The following HECTD4 variants were observed in gnomAD, a reference collection of about 807,000 sequenced individuals.
The protein encoded by HECTD4 is HECT domain E3 ubiquitin protein ligase 4.
HECTD4 carries 114 observed loss-of-function variants against 471.5 expected under a neutral mutation model. The observed-to-expected ratio is 0.24, with a 90% CI of 0.21 to 0.28. The LOEUF (loss-of-function observed/expected upper bound fraction) is 0.28. Ranked by LOEUF, HECTD4 falls within the 10% of genes least tolerant of loss-of-function variation. The pLI is 1.00. For missense variants in HECTD4, 3,866 were observed against 5,651.5 expected, an observed-to-expected ratio of 0.68 and a Z score of 10.13; for synonymous variants, 2,012 against 2,256.0, an observed-to-expected ratio of 0.89 and a Z score of 3.07.
At position 112,163,100 on chromosome 12, in the gene HECTD4, G is replaced by A. The variant is rs762118867; in HGVS notation, c.13062C>T (p.Pro4354=). The change falls in exon 75 of 76, where the codon CCC becomes CCT. Residue 4354 remains proline, a synonymous_variant. Transcript: ENST00000682272. The surrounding 1 kb of genome is among the most constrained non-coding windows in gnomAD (Gnocchi z 8.2). ...GGTACGGGGGCACATGGGCAGTGTC[G>A]GGACCCCCATCTTTGCAGGGGCAGG... is the stretch of plus-strand genomic sequence containing the variant. The part of the protein sequence containing the change: ...PFTCPCKDGG[P]DTAHVPPYPM... 2.1e-5 allele frequency: 34 copies of A among 1,613,822 alleles called. No homozygotes were observed. The highest frequency in any genetic ancestry group is 3.3e-4 in the Middle Eastern group (2 of 6,084).
chr12:112,344,793 C>T (rs1025084824), intron 1 of HECTD4, among the ~76,000 whole-genome samples: 1 of 152,100 alleles, frequency 6.6e-6, no homozygotes, highest in Non-Finnish European at 1.5e-5. Flanking sequence ...TGGCGCATGC[C>T]TGTAATCCCA....
At chr12:112,297,453 C>A (rs971807946) in intron 7 of HECTD4, among the ~76,000 whole-genome samples, 10 of 151,686 alleles carry the variant, frequency 6.6e-5, no homozygotes, top group African/African-American at 2.4e-4. Context: ...GCAGTGGGGA[C>A]CCAATCATTC....
chr12:112,164,859 TG>T (rs1297753899), intron 72 of HECTD4, among the ~76,000 whole-genome samples: 2 of 150,308 alleles, frequency 1.3e-5, no homozygotes, highest in African/African-American at 2.5e-5. Context: ...TGACCTCAGG[TG>T]ATCTACCTGC....
In HECTD4 at chr12:112,323,628, A is replaced by T. The variant is rs143376307; in HGVS notation, c.178-3886T>A. On this transcript the variant is annotated intron_variant, in intron 1 of 75. Transcript: ENST00000682272. The stretch of plus-strand genomic sequence containing the variant: ...AAAAAACTATGGTAATGGAGAATAG[A>T]TCAATGGTTACCGGGGTTTAGGGGT... Among the ~76,000 whole-genome samples the T allele has an allele frequency of 5.0e-4, 76 of 151,666 alleles. 1 individual carries two copies. The highest frequency in any genetic ancestry group is 3.4e-3 in the Middle Eastern group (1 of 294).
At chr12:112,200,868 T>TGTGC in intron 54 of HECTD4, 70 bp from the exon 55 acceptor site, 1 of 1,277,442 alleles carries the variant, frequency 7.8e-7, no homozygotes, top group Non-Finnish European at 1.1e-6. Context: ...TGCGTGCGTG[T>TGTGC]GTGTGTGCGT....
At chr12:112,181,245 C>T (rs2031658051) in intron 62 of HECTD4, among the ~76,000 whole-genome samples, 2 of 151,838 alleles carry the variant, frequency 1.3e-5, no homozygotes, top group Non-Finnish European at 2.9e-5. Flanking sequence ...CATATCAGAG[C>T]CTGAGGAAGA....
intron 1 of HECTD4, among the ~76,000 whole-genome samples, chr12:112,367,840 A>C (rs1469796474): frequency 3.3e-5 from 5 of 150,130 alleles, no homozygotes; most frequent in Middle Eastern, 3.4e-3. Flanking sequence ...AAAAAAAAAA[A>C]AAAAAAAACG....
chr12:112,262,558 A>G lies in HECTD4; in HGVS notation c.2749-1129T>C, dbSNP rs1156241319. On this transcript the variant is annotated intron_variant, in intron 17 of 75. Transcript: ENST00000682272. ...AAAAAAAAAAGAATCTACTAAGGCT[A>G]AAATTTAGCCTTCAAATAGAAAAAA... Among the ~76,000 whole-genome samples the G allele has an allele frequency of 2.0e-5, 3 of 147,952 alleles. No homozygotes were observed. The East Asian group carries it at 6.2e-4, about 30-fold the overall frequency.
intron 37 of HECTD4, among the ~76,000 whole-genome samples, chr12:112,234,664 C>A (rs1483241273): frequency 6.6e-6 from 1 of 152,224 alleles, no homozygotes; most frequent in South Asian, 2.1e-4. Context: ...TCTCTTGTTT[C>A]TCCAACTCAC....
rs576318805 is a variant in HECTD4, at chr12:112,160,718, T to G, written c.*1669A>C. 7 of 152,224 alleles carry G rather than the reference T, an allele frequency of 4.6e-5. No homozygotes were observed. Among genetic ancestry groups the G allele is most frequent in the Non-Finnish European group, 8.8e-5 (6 of 68,040 alleles). 9.4% of individuals were successfully genotyped at this position (152,224 alleles called of 1,614,324 possible). A position where few individuals can be genotyped will look rare whatever the true frequency, so the allele number is the denominator to read the frequency against. Reference sequence around the variant, plus strand: ...AATAAATCGAAAGGCTCTTTCATTATGCAGAAATGAAAATAAAAGGATCCT... The same window carrying G: ...AATAAATCGAAAGGCTCTTTCATTAGGCAGAAATGAAAATAAAAGGATCCT... On this transcript the variant is annotated 3_prime_UTR_variant, in exon 76 of 76. Coordinates refer to ENST00000682272, the MANE Select transcript of HECTD4 (RefSeq NM_001388303.1).
rs564229974 is a variant in HECTD4, at chr12:112,309,715, T to C, written c.917-46A>G. ...GTAAATTATATATATGTTTTTTCTA[T>C]TGAAATTATAAACATGCTTTTTCTA... On this transcript the variant is annotated intron_variant, in intron 4 of 75. Transcript: ENST00000682272. The C allele has an allele frequency of 1.0e-4, 91 of 889,050 alleles. No individual in the cohort carries two copies. In the African/African-American group the frequency reaches 1.4e-3, roughly 14 times the overall value. 55.1% of individuals were successfully genotyped at this position (889,050 alleles called of 1,614,324 possible).
In HECTD4 at chr12:112,176,695, C is replaced by T. The variant is rs753364529; in HGVS notation, c.11371G>A (p.Ala3791Thr). The T allele has an allele frequency of 6.2e-7, 1 of 1,612,814 alleles. No individual in the cohort carries two copies. The highest frequency in any genetic ancestry group is 8.5e-7 in the Non-Finnish European group (1 of 1,178,802). ...KAVLNSVSRT[A>T]LSEKKPTVKP... The stretch of plus-strand genomic sequence containing the variant: ...ACAGTTGGCTTCTTCTCACTTAAGG[C>T]AGTCCTGCTGTAGACCAAAGCACTG... The change falls in exon 65 of 76, where the codon GCC becomes ACC. Residue 3791 changes from alanine to threonine, a missense_variant. Ala to Thr is a moderately conservative substitution (Grantham distance 58, BLOSUM62 0). Coordinates refer to ENST00000682272, the MANE Select transcript of HECTD4 (RefSeq NM_001388303.1).
intron 53 of HECTD4, 112 bp from the exon 54 acceptor site, chr12:112,203,884 T>C: frequency 1.7e-6 from 1 of 580,462 alleles, no homozygotes; most frequent in Non-Finnish European, 2.8e-6. Flanking sequence ...TAAAATAAAA[T>C]AAAATAAAAT....
At chr12:112,192,501 G>A (rs551997993) in intron 59 of HECTD4, 59 bp downstream of exon 59, 1 of 1,264,790 alleles carries the variant, frequency 7.9e-7, no homozygotes, top group Admixed American at 3.1e-5. Flanking sequence ...GCTTCAAAAA[G>A]AAGGCAAGAG....
At chr12:112,202,480 A>G (rs894302828) in intron 54 of HECTD4, among the ~76,000 whole-genome samples, 1 of 152,230 alleles carries the variant, frequency 6.6e-6, no homozygotes, top group African/African-American at 2.4e-5. Flanking sequence ...TGCTGGGATT[A>G]CAGGCATGAG....
rs374461565 is a variant in HECTD4 at position 112,168,008 on chromosome 12, A to C, written c.12209-91T>G. 3.3e-3 allele frequency: 3,360 copies of C among 1,033,674 alleles called. 101 individuals are homozygous for C. The South Asian group carries it at 0.042, about 13-fold the overall frequency. 64.0% of individuals were successfully genotyped at this position (1,033,674 alleles called of 1,614,324 possible). A position where few individuals can be genotyped will look rare whatever the true frequency, so the allele number is the denominator to read the frequency against. On this transcript the variant is annotated intron_variant, in intron 70 of 75. Coordinates refer to ENST00000682272, the MANE Select transcript of HECTD4 (RefSeq NM_001388303.1). ...CTCTCACCTGCTGGCTGGAGCGGCT[A>C]CTCCTTCCACGGCCTACCTGCCGCT...
At chr12:112,269,203 C>T (rs1266673196) in intron 13 of HECTD4, among the ~76,000 whole-genome samples, 1 of 152,152 alleles carries the variant, frequency 6.6e-6, no homozygotes, top group East Asian at 1.9e-4. Context: ...TTGATAAAGG[C>T]TTGCATTGTT....
intron 52 of HECTD4, among the ~76,000 whole-genome samples, chr12:112,205,458 A>C (rs1410109210): frequency 6.6e-6 from 1 of 152,120 alleles, no homozygotes; most frequent in East Asian, 1.9e-4. Flanking sequence ...AAGTAGAAAA[A>C]ACCGAAGTGT....
chr12:112,276,413 G>A (rs1009595128), intron 9 of HECTD4, among the ~76,000 whole-genome samples: 1 of 152,080 alleles, frequency 6.6e-6, no homozygotes, highest in Non-Finnish European at 1.5e-5. Context: ...AGAAAAGACT[G>A]ATGGTCAATA....
Sources: gnomAD v4.1 joint callset for allele counts (sites outside exome capture counted in the v4.1 genomes callset) on GRCh38, gnomAD v4.1.1 for gene constraint, Gnocchi (gnomAD v3.1) non-coding constraint, MANE v1.5 for transcripts, NCBI Gene and HGNC (gene_info 2026-07-23, HGNC 2026-07-21) for gene names.